The following LAMA2 variants were observed in gnomAD, a reference collection of about 807,000 sequenced individuals.
The protein encoded by LAMA2 is laminin subunit alpha 2, also known as laminin subunit alpha-2.
Under a neutral mutation model 364.8 loss-of-function variants are expected in LAMA2, and 269 were observed. That is an observed-to-expected ratio of 0.74 (90% CI 0.67 to 0.82). The LOEUF is 0.82. Ranked by LOEUF, LAMA2 falls within the 40% of genes least tolerant of loss-of-function variation. The pLI is 0.00. For missense variants in LAMA2, 3,807 were observed against 3,873.2 expected, an observed-to-expected ratio of 0.98 and a Z score of 0.45; for synonymous variants, 1,379 against 1,370.6, an observed-to-expected ratio of 1.01 and a Z score of -0.14.
At chr6:129,468,771 C>T (rs969998711) in intron 51 of LAMA2, among the ~76,000 whole-genome samples, 12 of 151,818 alleles carry the variant, frequency 7.9e-5, no homozygotes, top group Admixed American at 2.6e-4. Context: ...TATTAAATAC[C>T]AACTATGCAT....
intron 1 of LAMA2, among the ~76,000 whole-genome samples, chr6:128,913,225 A>G (rs1489027809): frequency 6.6e-6 from 1 of 152,216 alleles, no homozygotes; most frequent in African/African-American, 2.4e-5. Flanking sequence ...TCATTAGCGC[A>G]TTGACAATTC....
chr6:129,331,387 C>G (rs939856653), intron 29 of LAMA2, among the ~76,000 whole-genome samples: 5 of 152,074 alleles, frequency 3.3e-5, no homozygotes, highest in Non-Finnish European at 5.9e-5. Context: ...CCTCTCACCC[C>G]CTCCCATCCT....
At chr6:129,078,573 G>T in intron 3 of LAMA2, among the ~76,000 whole-genome samples, 1 of 152,012 alleles carries the variant, frequency 6.6e-6, no homozygotes, top group East Asian at 1.9e-4. Flanking sequence ...CTCAACTCAT[G>T]CAATGTTTAA....
chr6:129,462,114 G>C (rs1783282813), intron 49 of LAMA2, among the ~76,000 whole-genome samples: 1 of 152,036 alleles, frequency 6.6e-6, no homozygotes, highest in Admixed American at 6.6e-5. Flanking sequence ...AGAGCAAAGG[G>C]AGGAAGAGTG....
chr6:129,462,393 A>G (rs1783300710), intron 49 of LAMA2, among the ~76,000 whole-genome samples: 1 of 151,920 alleles, frequency 6.6e-6, no homozygotes, highest in African/African-American at 2.4e-5. Context: ...AGCTTGATTT[A>G]GCCAAGCACT....
intron 32 of LAMA2, among the ~76,000 whole-genome samples, chr6:129,354,790 T>G (rs1486275328): frequency 6.6e-6 from 1 of 152,178 alleles, no homozygotes; most frequent in Non-Finnish European, 1.5e-5. Flanking sequence ...ATTCTGCCCA[T>G]CAACAACAAT....
At chr6:129,502,505 TAAGTA>T (rs1287832793) in intron 58 of LAMA2, among the ~76,000 whole-genome samples, 149 bp from the exon 59 acceptor site, 1 of 152,248 alleles carries the variant, frequency 6.6e-6, no homozygotes, top group Non-Finnish European at 1.5e-5. Flanking sequence ...CACTCAATAA[TAAGTA>T]CTTACTATGC....
chr6:129,229,932 G>A (rs765448131), intron 12 of LAMA2, among the ~76,000 whole-genome samples: 56 of 152,248 alleles, frequency 3.7e-4, no homozygotes, highest in Non-Finnish European at 6.6e-4. Flanking sequence ...ATATATCGAG[G>A]TGTAAATGTT....
At chr6:129,217,015 C>A (rs1256528659) in intron 12 of LAMA2, among the ~76,000 whole-genome samples, 2 of 151,968 alleles carry the variant, frequency 1.3e-5, no homozygotes, top group African/African-American at 4.8e-5. Flanking sequence ...ATGACGAAAC[C>A]CTGTCTGTAC....
rs549070954 is a variant in LAMA2 at position 129,479,278 on chromosome 6, A to G, written c.7572+465A>G. The stretch of plus-strand genomic sequence containing the variant: ...TCTGTTGTCTACAAACTTGAAGTCT[A>G]GCCCCCTTGTCTTTGAAATAACATA... On this transcript the variant is annotated intron_variant, in intron 54 of 64. Transcript: ENST00000421865. Among the ~76,000 whole-genome samples the G allele has an allele frequency of 7.2e-5, 11 of 152,334 alleles. No homozygotes were observed. In the South Asian group the frequency reaches 2.3e-3, roughly 32 times the overall value.
At chr6:129,487,475 ACT>A (rs1784649460) in intron 56 of LAMA2, among the ~76,000 whole-genome samples, 1 of 152,200 alleles carries the variant, frequency 6.6e-6, no homozygotes, top group African/African-American at 2.4e-5. Flanking sequence ...CATTTATCAG[ACT>A]GAAGACATAG....
At chr6:128,950,540 C>T (rs928351589) in intron 1 of LAMA2, among the ~76,000 whole-genome samples, 4 of 152,040 alleles carry the variant, frequency 2.6e-5, no homozygotes, top group Non-Finnish European at 4.4e-5. Flanking sequence ...AAAGTGCCCA[C>T]GTCAGTGACA....
intron 1 of LAMA2, among the ~76,000 whole-genome samples, chr6:128,931,973 C>T (rs1582708725): frequency 6.6e-6 from 1 of 152,158 alleles, no homozygotes; most frequent in Admixed American, 6.5e-5. Context: ...AAGCACCAAT[C>T]CTTCTTTGCT....
chr6:129,257,077 G>A (rs976916425), intron 14 of LAMA2, among the ~76,000 whole-genome samples: 1 of 151,832 alleles, frequency 6.6e-6, no homozygotes, highest in African/African-American at 2.4e-5. Flanking sequence ...GGAAGAGTCA[G>A]CTAAAGCATT....
intron 1 of LAMA2, 151 bp from the exon 2 acceptor site, chr6:129,049,767 T>C (rs560016944): frequency 1.1e-5 from 8 of 705,820 alleles, no homozygotes; most frequent in Non-Finnish European, 2.0e-5. Flanking sequence ...ATTTATGTAG[T>C]ATACTGAATT....
intron 1 of LAMA2, among the ~76,000 whole-genome samples, chr6:128,890,438 T>G (rs1776387289): frequency 6.6e-6 from 1 of 151,952 alleles, no homozygotes; most frequent in Admixed American, 6.6e-5. Flanking sequence ...GAAAAAAAAA[T>G]CCATTTCTAA....
At chr6:128,979,021 A>G (rs1313835818) in intron 1 of LAMA2, among the ~76,000 whole-genome samples, 1 of 152,056 alleles carries the variant, frequency 6.6e-6, no homozygotes, top group Non-Finnish European at 1.5e-5. Context: ...AAGGATTTAA[A>G]GATTACTTTA....
chr6:129,463,317 CTA>C (rs1441687432), intron 49 of LAMA2, among the ~76,000 whole-genome samples: 2 of 151,988 alleles, frequency 1.3e-5, no homozygotes, highest in Non-Finnish European at 2.9e-5. Context: ...CTATTCTATT[CTA>C]TGTCGAAATA....
intron 62 of LAMA2, among the ~76,000 whole-genome samples, chr6:129,507,873 C>G (rs1199186725): frequency 6.6e-6 from 1 of 152,144 alleles, no homozygotes; most frequent in Admixed American, 6.5e-5. Flanking sequence ...AGAATTTATT[C>G]CATCTCCTTC....
Sources: gnomAD v4.1 joint callset for allele counts (sites outside exome capture counted in the v4.1 genomes callset) on GRCh38, gnomAD v4.1.1 for gene constraint, MANE v1.5 for transcripts, NCBI Gene and HGNC (gene_info 2026-07-23, HGNC 2026-07-21) for gene names.